TNFAIP8L3: variants seen among roughly 807,000 people sequenced by gnomAD.
The protein encoded by TNFAIP8L3 is tumor necrosis factor alpha-induced protein 8-like protein 3.
In TNFAIP8L3, 7 loss-of-function variants were observed where a neutral mutation model predicts 11.8. The ratio of observed to expected loss-of-function variants is 0.59; its 90% confidence interval spans 0.34 to 1.11. The LOEUF (loss-of-function observed/expected upper bound fraction) is 1.11. Ranked by LOEUF, TNFAIP8L3 falls within the 50% of genes most tolerant of loss-of-function variation. The pLI, the probability that TNFAIP8L3 is intolerant of heterozygous loss-of-function variation, is 0.03. For synonymous variants in TNFAIP8L3, 98 were observed against 103.8 expected, an observed-to-expected ratio of 0.94 and a Z score of 0.34; for missense variants, 219 against 258.6, an observed-to-expected ratio of 0.85 and a Z score of 1.05.
intron 1 of TNFAIP8L3, among the ~76,000 whole-genome samples, chr15:51,080,773 C>T (rs1205319692): frequency 6.6e-6 from 1 of 152,246 alleles, no homozygotes; most frequent in African/African-American, 2.4e-5. Context: ...AGGTGGCAGG[C>T]CAGATTTGGC....
At chr15:51,065,169 G>C (rs1028800176) in intron 1 of TNFAIP8L3, among the ~76,000 whole-genome samples, 2 of 152,194 alleles carry the variant, frequency 1.3e-5, no homozygotes, top group Admixed American at 1.3e-4. Flanking sequence ...CTTAAACCAA[G>C]ATTGATAGAA....
intron 1 of TNFAIP8L3, among the ~76,000 whole-genome samples, chr15:51,074,474 T>C (rs1434463726): frequency 2.0e-5 from 3 of 152,228 alleles, no homozygotes; most frequent in Non-Finnish European, 4.4e-5. Context: ...TTTTGGCACA[T>C]GGTAGGATTC....
chr15:51,082,680 C>T (rs370154615), intron 1 of TNFAIP8L3, among the ~76,000 whole-genome samples: 3 of 152,086 alleles, frequency 2.0e-5, no homozygotes, highest in African/African-American at 4.8e-5. Context: ...TATAGCTGTA[C>T]AAAAATTATT....
intron 1 of TNFAIP8L3, among the ~76,000 whole-genome samples, chr15:51,066,324 G>T (rs565303274): frequency 1.3e-5 from 2 of 152,010 alleles, no homozygotes; most frequent in African/African-American, 4.8e-5. Flanking sequence ...CACCATGCCT[G>T]GCTAATTTTT....
chr15:51,086,402 G>A (rs767203569), intron 1 of TNFAIP8L3, among the ~76,000 whole-genome samples: 15 of 152,326 alleles, frequency 9.8e-5, no homozygotes, highest in Non-Finnish European at 2.1e-4. Context: ...ATAGGCTAAT[G>A]CAGGGAATGT....
intron 1 of TNFAIP8L3, among the ~76,000 whole-genome samples, chr15:51,059,020 C>CT (rs2140961714): frequency 6.6e-6 from 1 of 152,354 alleles, no homozygotes; most frequent in Admixed American, 6.5e-5. Context: ...TGCCAGGTAG[C>CT]TGTTGTGCTG....
At chr15:51,087,002 C>T (rs549475288) in intron 1 of TNFAIP8L3, among the ~76,000 whole-genome samples, 1 of 152,168 alleles carries the variant, frequency 6.6e-6, no homozygotes, top group East Asian at 1.9e-4. Context: ...AATTCTCCTG[C>T]CTCAGCCTCC....
chr15:51,100,931 G>A (rs887130455), intron 1 of TNFAIP8L3, among the ~76,000 whole-genome samples: 49 of 152,182 alleles, frequency 3.2e-4, no homozygotes, highest in African/African-American at 1.2e-3. Flanking sequence ...TCCTCTGTAT[G>A]GAAAAGGGGC....
At chr15:51,099,138 T>G (rs1595622848), upstream of TNFAIP8L3, among the ~76,000 whole-genome samples, 1 of 152,200 alleles carries the variant, frequency 6.6e-6, no homozygotes, top group African/African-American at 2.4e-5. Context: ...AGGCAGCAGG[T>G]GGGTTATTTG....
intron 1 of TNFAIP8L3, among the ~76,000 whole-genome samples, chr15:51,085,713 G>C (rs562091640): frequency 5.9e-5 from 9 of 151,742 alleles, no homozygotes; most frequent in Admixed American, 3.9e-4. Flanking sequence ...CTGCCTGACA[G>C]TGGAACAAAA....
chr15:51,087,860 C>A (rs370929382), intron 1 of TNFAIP8L3, among the ~76,000 whole-genome samples: 1 of 144,572 alleles, frequency 6.9e-6, no homozygotes, highest in Non-Finnish European at 1.5e-5. Flanking sequence ...TTGTCCCATG[C>A]CATTGCCTAA....
chr15:51,067,120 G>C (rs1389996184), intron 1 of TNFAIP8L3, among the ~76,000 whole-genome samples: 1 of 152,168 alleles, frequency 6.6e-6, no homozygotes, highest in Admixed American at 6.5e-5. Flanking sequence ...CCTTTCATAC[G>C]TGAGAGAGGG....
chr15:51,104,862 G>T, intron 1 of TNFAIP8L3: 1 of 881,452 alleles, frequency 1.1e-6, no homozygotes, highest in East Asian at 2.5e-5. Context: ...TTGATGTGGG[G>T]CACTAAATAA....
chr15:51,083,372 C>A (rs1401167518), intron 1 of TNFAIP8L3, among the ~76,000 whole-genome samples: 1 of 152,084 alleles, frequency 6.6e-6, no homozygotes, highest in Admixed American at 6.5e-5. Context: ...TTTTAAATGT[C>A]GTTGTATCCC....
At chr15:51,101,839 G>A (rs1487627193) in intron 1 of TNFAIP8L3, among the ~76,000 whole-genome samples, 39 of 150,762 alleles carry the variant, frequency 2.6e-4, no homozygotes, top group African/African-American at 9.3e-4. Flanking sequence ...CCAGCTACTC[G>A]GGAGGCTGAG....
At chr15:51,065,830 C>A (rs1816895418) in intron 1 of TNFAIP8L3, among the ~76,000 whole-genome samples, 1 of 152,122 alleles carries the variant, frequency 6.6e-6, no homozygotes. Context: ...CTCTAAATAG[C>A]TTGAGATAAT....
chr15:51,079,109 T>C lies in TNFAIP8L3; in HGVS notation c.52+15435A>G, dbSNP rs1190781059. 3.3e-5 allele frequency among the ~76,000 whole-genome samples: 5 copies of C among 152,202 alleles called. 1 individual carries two copies. The highest frequency in any genetic ancestry group is 7.3e-5 in the Non-Finnish European group (5 of 68,036). On this transcript the variant is annotated intron_variant, in intron 1 of 1. Coordinates refer to ENST00000637513, the MANE Select transcript of TNFAIP8L3 (RefSeq NM_001311175.2). Reference sequence around the variant, plus strand: ...CACTGAACTGACATCTGTCTTCTCTTCACCCTCTACAAACCCTAAGCTCCC... The same window carrying C: ...CACTGAACTGACATCTGTCTTCTCTCCACCCTCTACAAACCCTAAGCTCCC...
chr15:51,076,142 A>G (rs1354966101), intron 1 of TNFAIP8L3, among the ~76,000 whole-genome samples: 1 of 152,240 alleles, frequency 6.6e-6, no homozygotes, highest in Non-Finnish European at 1.5e-5. Flanking sequence ...TATACTCTGT[A>G]GTAAAACTGG....
intron 1 of TNFAIP8L3, among the ~76,000 whole-genome samples, chr15:51,062,582 T>TGC (rs924874827): frequency 2.6e-5 from 4 of 152,258 alleles, no homozygotes; most frequent in Non-Finnish European, 5.9e-5. Context: ...TCTTGCAGTC[T>TGC]GCCCATCTAC....
Sources: gnomAD v4.1 joint callset for allele counts (sites outside exome capture counted in the v4.1 genomes callset) on GRCh38, gnomAD v4.1.1 for gene constraint, MANE v1.5 for transcripts, NCBI Gene and HGNC (gene_info 2026-07-23, HGNC 2026-07-21) for gene names.